NTM: variants seen among roughly 807,000 people sequenced by gnomAD.
The protein encoded by NTM is IgLON family member 2.
In NTM, 13 loss-of-function variants were observed where a neutral mutation model predicts 42.1. The ratio of observed to expected loss-of-function variants is 0.31; its 90% CI spans 0.20 to 0.49. The LOEUF (loss-of-function observed/expected upper bound fraction) is 0.49. Ranked by LOEUF, NTM falls within the 20% of genes least tolerant of loss-of-function variation. The pLI is 0.99. For missense variants in NTM, 373 were observed against 452.8 expected, an observed-to-expected ratio of 0.82 and a Z score of 1.60; for synonymous variants, 187 against 179.2, an observed-to-expected ratio of 1.04 and a Z score of -0.35.
intron 1 of NTM, among the ~76,000 whole-genome samples, chr11:131,462,445 A>T (rs7106855): frequency 0.073 from 11,137 of 152,258 alleles, 973 homozygotes; most frequent in East Asian, 0.21. Flanking sequence ...AAAAATACAA[A>T]AATGACAAAA....
intron 2 of NTM, among the ~76,000 whole-genome samples, chr11:132,006,460 G>C (rs530191088): frequency 6.6e-6 from 1 of 152,202 alleles, no homozygotes; most frequent in Non-Finnish European, 1.5e-5. Flanking sequence ...TGAGAAGGCA[G>C]CCTCTTTTTG....
chr11:131,677,416 A>G (rs142713513), intron 1 of NTM, among the ~76,000 whole-genome samples: 1,705 of 152,314 alleles, frequency 0.011, 21 homozygotes, highest in South Asian at 0.049. Context: ...TTTATTTTTA[A>G]CATATCAGCG....
intron 3 of NTM, among the ~76,000 whole-genome samples, chr11:132,181,053 C>A (rs1022928245): frequency 2.0e-5 from 3 of 152,184 alleles, no homozygotes; most frequent in Non-Finnish European, 2.9e-5. Context: ...AGGACACAAG[C>A]AATTGCCTAT....
intron 1 of NTM, among the ~76,000 whole-genome samples, chr11:131,688,629 A>T (rs1428192979): frequency 6.6e-6 from 1 of 152,102 alleles, no homozygotes; most frequent in Non-Finnish European, 1.5e-5. Flanking sequence ...TGTCGGCTTC[A>T]CACCCCCAGT....
intron 2 of NTM, among the ~76,000 whole-genome samples, chr11:132,014,711 T>G (rs2135456251): frequency 6.7e-6 from 1 of 150,222 alleles, no homozygotes; most frequent in Admixed American, 6.6e-5. Flanking sequence ...TCAGATCATT[T>G]ACCCGCTTTT....
chr11:131,652,293 G>T (rs972561716), intron 1 of NTM, among the ~76,000 whole-genome samples: 2 of 152,150 alleles, frequency 1.3e-5, no homozygotes, highest in Non-Finnish European at 2.9e-5. Context: ...ATGAGAAAAG[G>T]CTTGAGATAA....
chr11:131,545,366 A>C (rs2053790551), intron 1 of NTM, among the ~76,000 whole-genome samples: 1 of 150,792 alleles, frequency 6.6e-6, no homozygotes, highest in Non-Finnish European at 1.5e-5. Flanking sequence ...CTCCTTGATG[A>C]CTTTTTTTCT....
intron 1 of NTM, among the ~76,000 whole-genome samples, chr11:131,645,774 C>A (rs2065700472): frequency 6.6e-6 from 1 of 152,096 alleles, no homozygotes; most frequent in Non-Finnish European, 1.5e-5. Context: ...TTTCATACTT[C>A]TTTCAATGGG....
intron 2 of NTM, among the ~76,000 whole-genome samples, chr11:132,090,619 C>A (rs1164021189): frequency 6.6e-6 from 1 of 152,088 alleles, no homozygotes; most frequent in Non-Finnish European, 1.5e-5. Flanking sequence ...CTTCTTTGAC[C>A]TCACTGGAAC....
At chr11:131,386,328 G>T (rs1943313893) in intron 1 of NTM, among the ~76,000 whole-genome samples, 1 of 152,160 alleles carries the variant, frequency 6.6e-6, no homozygotes, top group Admixed American at 6.5e-5. Flanking sequence ...GTGATTTAAT[G>T]GTCACAGAGT....
intron 1 of NTM, among the ~76,000 whole-genome samples, chr11:131,531,698 C>T (rs968878407): frequency 6.6e-6 from 1 of 152,114 alleles, no homozygotes; most frequent in Non-Finnish European, 1.5e-5. Context: ...AGGAGTGTTA[C>T]TCTGAGCTGG....
chr11:131,765,461 T>C (rs913750338), intron 1 of NTM, among the ~76,000 whole-genome samples: 1 of 152,208 alleles, frequency 6.6e-6, no homozygotes, highest in African/African-American at 2.4e-5. Context: ...TATCTTATCA[T>C]GTAGTATGTA....
At chr11:131,921,661 A>G (rs751183322) in intron 2 of NTM, among the ~76,000 whole-genome samples, 17 of 152,174 alleles carry the variant, frequency 1.1e-4, no homozygotes, top group Non-Finnish European at 2.4e-4. Context: ...GCCTGGTTAG[A>G]TCACCCAGTT....
chr11:132,278,850 C>A (rs1346551448), intron 4 of NTM, among the ~76,000 whole-genome samples: 2 of 150,744 alleles, frequency 1.3e-5, no homozygotes, highest in Non-Finnish European at 2.9e-5. Context: ...GTTCACTCTA[C>A]GCTCCTCTCC....
At position 131,641,110 on chromosome 11, in the gene NTM, A is replaced by ACTGGTTCCTAATCCCT. The variant is rs1327967443; in HGVS notation, c.82+270228_82+270243dup. On this transcript the variant is annotated intron_variant, in intron 1 of 8. Transcript: ENST00000683400. The stretch of plus-strand genomic sequence containing the variant: ...ACAATTAATGGCTGTCGACACTGAC[A>ACTGGTTCCTAATCCCT]CTGGTTCCTAATCCCTCTGGTCAGA... 9.9e-5 allele frequency among the ~76,000 whole-genome samples: 15 copies of ACTGGTTCCTAATCCCT among 152,282 alleles called. No individual in the cohort carries two copies. The East Asian group carries it at 2.5e-3, about 26-fold the overall frequency.
intron 4 of NTM, among the ~76,000 whole-genome samples, 172 bp downstream of exon 4, chr11:132,212,319 C>T (rs2082995693): frequency 6.6e-6 from 1 of 152,108 alleles, no homozygotes; most frequent in South Asian, 2.1e-4. Flanking sequence ...TGCAAAACAG[C>T]CATACCCTCT....
At chr11:131,834,310 C>T (rs1475940923) in intron 1 of NTM, among the ~76,000 whole-genome samples, 1 of 152,154 alleles carries the variant, frequency 6.6e-6, no homozygotes, top group Non-Finnish European at 1.5e-5. Context: ...CCTTCCACAT[C>T]TATGGGCTTA....
intron 1 of NTM, among the ~76,000 whole-genome samples, chr11:131,495,651 G>T (rs887080815): frequency 6.6e-6 from 1 of 152,196 alleles, no homozygotes; most frequent in Non-Finnish European, 1.5e-5. Flanking sequence ...GAAGAAGCCG[G>T]CCTGGAAACA....
intron 2 of NTM, among the ~76,000 whole-genome samples, chr11:132,072,451 G>T (rs2057811742): frequency 6.6e-6 from 1 of 152,170 alleles, no homozygotes; most frequent in Non-Finnish European, 1.5e-5. Flanking sequence ...TGGTATTTCT[G>T]TTGGTGAGTA....
Sources: allele counts gnomAD v4.1 joint callset (sites outside exome capture counted in the v4.1 genomes callset), GRCh38; gene constraint gnomAD v4.1.1; transcripts MANE v1.5; gene names NCBI Gene and HGNC (gene_info 2026-07-23, HGNC 2026-07-21).